Variants in KLF1 observed in about 807,000 individuals in gnomAD.
The protein encoded by KLF1 is KLF transcription factor 1.
Under a neutral mutation model 28.0 loss-of-function variants are expected in KLF1, and 29 were observed. That is an observed-to-expected ratio of 1.04 (90% CI 0.77 to 1.41). The LOEUF (loss-of-function observed/expected upper bound fraction) is 1.41, where lower values mean the gene tolerates loss of function less well. KLF1 is among the 40% of genes most tolerant of loss of function. The pLI, the probability that KLF1 is intolerant of heterozygous loss-of-function variation, is 0.00. For synonymous variants in KLF1, 262 were observed against 242.6 expected (o/e 1.08, Z -0.74); for missense variants, 508 against 515.1 (o/e 0.99, Z 0.13).
Position 12,887,026 on chromosome 19 carries a change from C to T in KLF1, c.87+28G>A, listed in dbSNP as rs759928600. On this transcript the variant is annotated intron_variant, in intron 1 of 2. Coordinates refer to ENST00000264834, the MANE Select transcript of KLF1 (RefSeq NM_006563.5). The surrounding 1 kb of genome is among the most constrained non-coding windows in gnomAD (Gnocchi z 4.7). Reference sequence around the variant, plus strand: ...CTGTGGCCCTGGATTCCAGCCAGCCCACCTAGACCCCACCTTCTAGGCCCC... The same window carrying T: ...CTGTGGCCCTGGATTCCAGCCAGCCTACCTAGACCCCACCTTCTAGGCCCC... The T allele has an allele frequency of 1.2e-5, 20 of 1,610,142 alleles. No homozygotes were observed. In the Admixed American group the frequency reaches 3.2e-4, roughly 26 times the overall value.
Position 12,887,071 on chromosome 19 carries a change from G to A in KLF1, c.70C>T (p.Gln24Ter). 1 of 1,614,162 alleles carries A rather than the reference G, an allele frequency of 6.2e-7. No individual in the cohort carries two copies. Among genetic ancestry groups the A allele is most frequent in the Non-Finnish European group, 8.5e-7 (1 of 1,180,020 alleles). The stretch of plus-strand genomic sequence containing the variant: ...GGCCCCACCTTGAGGAAGTCATCCT[G>A]TGTGTCCGGGAAGGGGCCCAGGGCG... ...LTALGPFPDT[Q>*]DDFLKWWRSE... Residue 24 changes from glutamine to a stop codon, truncating the protein, a stop_gained, in exon 1 of 3, where the codon CAG (glutamine) becomes TAG (stop). Transcript: ENST00000264834. LOFTEE classifies it high-confidence loss of function. This position sits in a 1 kb window ranked among gnomAD's most constrained non-coding sequence, Gnocchi z 4.7.
chr19:12,885,710 C>T lies in KLF1; in HGVS notation c.520G>A (p.Gly174Ser). ...AAGTAGCCACCCGAGGAGCCGGCGCCGGGCCCCGGGTACACCGGTTGCAGC... is the reference window on the plus strand; with the variant it reads ...AAGTAGCCACCCGAGGAGCCGGCGCTGGGCCCCGGGTACACCGGTTGCAGC... ...LALQPVYPGP[G>S]AGSSGGYFPR... The change falls in exon 2 of 3, where the codon GGC becomes AGC. Residue 174 changes from glycine (G) to serine (S), a missense_variant. Transcript: ENST00000264834. This position sits in a 1 kb window ranked among gnomAD's most constrained non-coding sequence, Gnocchi z 5.6. The T allele has an allele frequency of 6.6e-7, 1 of 1,523,494 alleles. No individual in the cohort carries two copies. Among genetic ancestry groups the T allele is most frequent in the Non-Finnish European group, 8.8e-7 (1 of 1,135,228 alleles). The allele number at this position is 1,523,494 out of a possible 1,614,324, so 94.4% of individuals were successfully genotyped here.
Position 12,887,137 on chromosome 19 carries a change from C to T in KLF1, c.4G>A (p.Ala2Thr), listed in dbSNP as rs1214452641. 1 of 1,613,984 alleles carries T rather than the reference C, an allele frequency of 6.2e-7. No individual in the cohort carries two copies. Among genetic ancestry groups the T allele is most frequent in the Admixed American group, 1.7e-5 (1 of 60,032 alleles). M[A>T]TAETALPSIS... ...GAGGGCAAGGCGGTCTCGGCTGTGG[C>T]CATGGCTGGCTGGTGCCCACCCTGG... The change falls in exon 1 of 3, where the codon GCC (alanine) becomes ACC (threonine). Residue 2 changes from alanine to threonine, a missense_variant. Transcript: ENST00000264834. This position sits in a 1 kb window ranked among gnomAD's most constrained non-coding sequence, Gnocchi z 4.7.
rs1970445811 is a variant in KLF1 at position 12,886,131 on chromosome 19, G to A, written c.99C>T (p.Ser33=). The change falls in exon 2 of 3, where the codon TCC becomes TCT. Residue 33 remains serine (S), a synonymous_variant. Transcript: ENST00000264834. Reference sequence around the variant, plus strand: ...CCGGGCCCATGTCCTGCGCCTCTTCGGAGCGCCACCACTGCGGGAGGGAGC... The same window carrying A: ...CCGGGCCCATGTCCTGCGCCTCTTCAGAGCGCCACCACTGCGGGAGGGAGC... ...TQDDFLKWWR[S]EEAQDMGPGP... 4 of 1,601,424 alleles carry A rather than the reference G, an allele frequency of 2.5e-6. No homozygotes were observed. The highest frequency in any genetic ancestry group is 3.4e-6 in the Non-Finnish European group (4 of 1,177,870).
rs372991418 is a variant in KLF1 at position 12,887,184 on chromosome 19, G to A, written c.-44C>T. 1.6e-5 allele frequency: 26 copies of A among 1,601,268 alleles called. No individual in the cohort carries two copies. The highest frequency in any genetic ancestry group is 1.8e-5 in the Non-Finnish European group (21 of 1,169,562). ...CTGGGCCTCAAGCCTCCTCTTCCTC[G>A]GCTGCCTCGTGAACTCTGAGGCTGT... On this transcript the variant is annotated 5_prime_UTR_variant, in exon 1 of 3. Coordinates refer to ENST00000264834, the MANE Select transcript of KLF1 (RefSeq NM_006563.5). The surrounding 1 kb of genome is among the most constrained non-coding windows in gnomAD (Gnocchi z 4.7).
At position 12,885,714 on chromosome 19, in the gene KLF1, C is replaced by T. The variant is rs1240192425; in HGVS notation, c.516G>A (p.Gly172=). ...AGCCACCCGAGGAGCCGGCGCCGGGCCCCGGGTACACCGGTTGCAGCGCCA... is the reference window on the plus strand; with the variant it reads ...AGCCACCCGAGGAGCCGGCGCCGGGTCCCGGGTACACCGGTTGCAGCGCCA... ...KALALQPVYP[G]PGAGSSGGYF... The change falls in exon 2 of 3, where the codon GGG becomes GGA. Residue 172 remains glycine (G), a synonymous_variant. Transcript: ENST00000264834. The surrounding 1 kb of genome is among the most constrained non-coding windows in gnomAD (Gnocchi z 5.6). 2 of 1,521,572 alleles carry T rather than the reference C, an allele frequency of 1.3e-6. No individual in the cohort carries two copies. Among genetic ancestry groups the T allele is most frequent in the Non-Finnish European group, 1.8e-6 (2 of 1,134,602 alleles). The allele number at this position is 1,521,572 out of a possible 1,614,324, so 94.3% of individuals were successfully genotyped here. A position where few individuals can be genotyped will look rare whatever the true frequency, so the allele number is the denominator to read the frequency against.
chr19:12,885,258 C>T lies in KLF1; in HGVS notation c.913+59G>A. The T allele has an allele frequency of 2.0e-6, 3 of 1,467,776 alleles. No individual in the cohort carries two copies. Among genetic ancestry groups the T allele is most frequent in the South Asian group, 1.2e-5 (1 of 81,894 alleles). The allele number at this position is 1,467,776 out of a possible 1,614,324, so 90.9% of individuals were successfully genotyped here. A position where few individuals can be genotyped will look rare whatever the true frequency, so the allele number is the denominator to read the frequency against. On this transcript the variant is annotated intron_variant, in intron 2 of 2. Coordinates refer to ENST00000264834, the MANE Select transcript of KLF1 (RefSeq NM_006563.5). The surrounding 1 kb of genome is among the most constrained non-coding windows in gnomAD (Gnocchi z 5.6). The stretch of plus-strand genomic sequence containing the variant: ...AGTCCCGCCCTCTGCAACCCTTCTT[C>T]CCCTGTAACTACAGCGGGCGCCGCG...
chr19:12,885,052 G>A lies in KLF1; in HGVS notation c.922C>T (p.Pro308Ser). The change falls in exon 3 of 3, where the codon CCA (proline) becomes TCA (serine). Residue 308 changes from proline to serine, a missense_variant. Transcript: ENST00000264834. The surrounding 1 kb of genome is among the most constrained non-coding windows in gnomAD (Gnocchi z 5.6). ...AHLRTHTGEKPYACTWEGCGW... is the reference protein window; with the variant it reads ...AHLRTHTGEKSYACTWEGCGW... Reference sequence around the variant, plus strand: ...CAGCCTTCCCACGTGCAGGCGTATGGCTTCTCCCCTAGGGGACAAGGAAGC... The same window carrying A: ...CAGCCTTCCCACGTGCAGGCGTATGACTTCTCCCCTAGGGGACAAGGAAGC... 6.2e-7 allele frequency: 1 copy of A among 1,605,894 alleles called. No homozygotes were observed. Among genetic ancestry groups the A allele is most frequent in the Non-Finnish European group, 8.5e-7 (1 of 1,179,954 alleles).
At position 12,884,770 on chromosome 19, in the gene KLF1, C is replaced by T. The variant is rs1301164626; in HGVS notation, c.*115G>A. ...GGGAACGCGAGTCCAGGAGAGGGTC[C>T]ATTCGTGGGAAAACCACCCAGCATT... is the stretch of plus-strand genomic sequence containing the variant. On this transcript the variant is annotated 3_prime_UTR_variant, in exon 3 of 3. Coordinates refer to ENST00000264834, the MANE Select transcript of KLF1 (RefSeq NM_006563.5). The T allele has an allele frequency of 2.7e-6, 3 of 1,130,048 alleles. No individual in the cohort carries two copies. The highest frequency in any genetic ancestry group is 3.9e-6 in the Non-Finnish European group (3 of 764,028). 70.0% of individuals were successfully genotyped at this position (1,130,048 alleles called of 1,614,324 possible). A position where few individuals can be genotyped will look rare whatever the true frequency, so the allele number is the denominator to read the frequency against.
At position 12,885,422 on chromosome 19, in the gene KLF1, A is replaced by G. The variant is rs1970428326; in HGVS notation, c.808T>C (p.Ser270Pro). ...GCTGCCTGCCTCTTGCGCGCCCACG[A>G]ACGTCGGCCTCGCTTGGATGGCGCG... ...ETAPSKRGRR[S>P]WARKRQAAHT... The change falls in exon 2 of 3, where the codon TCG becomes CCG. Residue 270 changes from serine to proline, a missense_variant. Coordinates refer to ENST00000264834, the MANE Select transcript of KLF1 (RefSeq NM_006563.5). The surrounding 1 kb of genome is among the most constrained non-coding windows in gnomAD (Gnocchi z 5.6). The G allele has an allele frequency of 6.2e-7, 1 of 1,606,206 alleles. No individual in the cohort carries two copies. The highest frequency in any genetic ancestry group is 8.5e-7 in the Non-Finnish European group (1 of 1,176,894).
chr19:12,884,978 T>C lies in KLF1; in HGVS notation c.996A>G (p.Lys332=), dbSNP rs1970419562. 6.2e-7 allele frequency: 1 copy of C among 1,613,500 alleles called. No homozygotes were observed. Residue 332 remains lysine, a synonymous_variant, in exon 3 of 3, where the codon AAA becomes AAG. Coordinates refer to ENST00000264834, the MANE Select transcript of KLF1 (RefSeq NM_006563.5). ...RSDELTRHYR[K]HTGQRPFRCQ... is the part of the protein sequence containing the mutation. ...AGCGGAAGGGGCGCTGCCCCGTGTG[T>C]TTCCGGTAGTGGCGGGTCAGCTCGT... is the stretch of plus-strand genomic sequence containing the variant.
chr19:12,885,676 G>T lies in KLF1; in HGVS notation c.554C>A (p.Thr185Asn). 6.5e-7 allele frequency: 1 copy of T among 1,536,808 alleles called. No homozygotes were observed. Among genetic ancestry groups the T allele is most frequent in the South Asian group, 1.2e-5 (1 of 83,672 alleles). ...AGSSGGYFPR[T>N]GLSVPAASGA... ...CGACGCCGCAGGCACTGAAAGCCCG[G>T]TCCGCGGGAAGTAGCCACCCGAGGA... The change falls in exon 2 of 3, where the codon ACC becomes AAC. Residue 185 changes from threonine (T) to asparagine (N), a missense_variant. Coordinates refer to ENST00000264834, the MANE Select transcript of KLF1 (RefSeq NM_006563.5). The surrounding 1 kb of genome is among the most constrained non-coding windows in gnomAD (Gnocchi z 5.6).
chr19:12,885,886 G>A lies in KLF1; in HGVS notation c.344C>T (p.Ala115Val), dbSNP rs1424497125. 1.3e-6 allele frequency: 2 copies of A among 1,552,172 alleles called. No homozygotes were observed. The highest frequency in any genetic ancestry group is 1.7e-6 in the Non-Finnish European group (2 of 1,148,032). ...QYPPPPETLG[A>V]YAGGPGLVAG... Reference sequence around the variant, plus strand: ...CACCAGCCCCGGGCCGCCAGCATATGCGCCCAGAGTCTCGGGCGGCGGCGG... The same window carrying A: ...CACCAGCCCCGGGCCGCCAGCATATACGCCCAGAGTCTCGGGCGGCGGCGG... Residue 115 changes from alanine to valine, a missense_variant, in exon 2 of 3, where the codon GCA becomes GTA. By Grantham distance (64) the Ala-to-Val change is moderately conservative. Transcript: ENST00000264834. This position sits in a 1 kb window ranked among gnomAD's most constrained non-coding sequence, Gnocchi z 5.6.
chr19:12,886,019 C>G lies in KLF1; in HGVS notation c.211G>C (p.Ala71Pro). The change falls in exon 2 of 3, where the codon GCC (alanine) becomes CCC (proline). Residue 71 changes from alanine to proline, a missense_variant. Coordinates refer to ENST00000264834, the MANE Select transcript of KLF1 (RefSeq NM_006563.5). ...EEEDDERGADATWDLDLLLTN... is the reference protein window; with the variant it reads ...EEEDDERGADPTWDLDLLLTN... Reference sequence around the variant, plus strand: ...AGGAGGAGATCCAGGTCCCAGGTGGCGTCCGCGCCCCTCTCATCGTCCTCT... The same window carrying G: ...AGGAGGAGATCCAGGTCCCAGGTGGGGTCCGCGCCCCTCTCATCGTCCTCT... 1 of 1,601,688 alleles carries G rather than the reference C, an allele frequency of 6.2e-7. No individual in the cohort carries two copies. Among genetic ancestry groups the G allele is most frequent in the Non-Finnish European group, 8.5e-7 (1 of 1,175,078 alleles).
At chr19:12,886,781 G>A (rs1474322809) in intron 1 of KLF1, among the ~76,000 whole-genome samples, 1 of 151,626 alleles carries the variant, frequency 6.6e-6, no homozygotes, top group Non-Finnish European at 1.5e-5. Flanking sequence ...TAATGTTTTT[G>A]GTATTTTTTG....
In KLF1 at chr19:12,885,630, C is replaced by G; in HGVS notation, c.600G>C (p.Leu200=). ...PAASGAPYGL[L]SGYPAMYPAP... ...CCGGGTACATCGCGGGGTACCCGGA[C>G]AGTAGCCCGTAGGGGGCGCCCGACG... The change falls in exon 2 of 3, where the codon CTG becomes CTC. Residue 200 remains leucine (L), a synonymous_variant. Coordinates refer to ENST00000264834, the MANE Select transcript of KLF1 (RefSeq NM_006563.5). This position sits in a 1 kb window ranked among gnomAD's most constrained non-coding sequence, Gnocchi z 5.6. The G allele has an allele frequency of 3.2e-6, 5 of 1,549,040 alleles. No individual in the cohort carries two copies. Among genetic ancestry groups the G allele is most frequent in the South Asian group, 1.2e-5 (1 of 84,070 alleles).
In KLF1 at chr19:12,885,425, G is replaced by A. The variant is rs1363740562; in HGVS notation, c.805C>T (p.Arg269Cys). 6.2e-7 allele frequency: 1 copy of A among 1,605,874 alleles called. No individual in the cohort carries two copies. Residue 269 changes from arginine to cysteine, a missense_variant, in exon 2 of 3, where the codon CGT becomes TGT. Coordinates refer to ENST00000264834, the MANE Select transcript of KLF1 (RefSeq NM_006563.5). This position sits in a 1 kb window ranked among gnomAD's most constrained non-coding sequence, Gnocchi z 5.6. Reference sequence around the variant, plus strand: ...GCCTGCCTCTTGCGCGCCCACGAACGTCGGCCTCGCTTGGATGGCGCGGTC... The same window carrying A: ...GCCTGCCTCTTGCGCGCCCACGAACATCGGCCTCGCTTGGATGGCGCGGTC... Reference protein sequence around the residue: ...AETAPSKRGRRSWARKRQAAH... With the variant: ...AETAPSKRGRCSWARKRQAAH...
rs1479114472 is a variant in KLF1 at position 12,885,881 on chromosome 19, C to T, written c.349G>A (p.Ala117Thr). Residue 117 changes from alanine to threonine, a missense_variant, in exon 2 of 3, where the codon GCT becomes ACT. Ala to Thr is a moderately conservative substitution (Grantham distance 58). Coordinates refer to ENST00000264834, the MANE Select transcript of KLF1 (RefSeq NM_006563.5). The surrounding 1 kb of genome is among the most constrained non-coding windows in gnomAD (Gnocchi z 5.6). The stretch of plus-strand genomic sequence containing the variant: ...CCAGCCACCAGCCCCGGGCCGCCAG[C>T]ATATGCGCCCAGAGTCTCGGGCGGC... ...PPPPETLGAY[A>T]GGPGLVAGLL... 3.2e-6 allele frequency: 5 copies of T among 1,552,160 alleles called. No individual in the cohort carries two copies. The highest frequency in any genetic ancestry group is 4.4e-6 in the Non-Finnish European group (5 of 1,148,038).
Position 12,885,392 on chromosome 19 carries a change from T to G in KLF1, c.838A>C (p.Thr280Pro). ...SWARKRQAAH[T>P]CAHPGCGKSY... ...TTGCCGCAACCCGGGTGCGCGCACG[T>G]GTGCGCTGCCTGCCTCTTGCGCGCC... The change falls in exon 2 of 3, where the codon ACG (threonine) becomes CCG (proline). Residue 280 changes from threonine (T) to proline (P), a missense_variant. Transcript: ENST00000264834. This position sits in a 1 kb window ranked among gnomAD's most constrained non-coding sequence, Gnocchi z 5.6. 1 of 1,606,236 alleles carries G rather than the reference T, an allele frequency of 6.2e-7. No homozygotes were observed. The highest frequency in any genetic ancestry group is 8.5e-7 in the Non-Finnish European group (1 of 1,176,938).
Sources: gnomAD v4.1 joint callset for allele counts (sites outside exome capture counted in the v4.1 genomes callset) on GRCh38, gnomAD v4.1.1 for gene constraint, Gnocchi (gnomAD v3.1) non-coding constraint, MANE v1.5 for transcripts, NCBI Gene and HGNC (gene_info 2026-07-23, HGNC 2026-07-21) for gene names.